The following ADAMTS17 variants were observed in gnomAD, a reference collection of about 807,000 sequenced individuals.
The protein encoded by ADAMTS17 is ADAM metallopeptidase with thrombospondin type 1 motif 17, also known as A disintegrin and metalloproteinase with thrombospondin motifs 17.
In ADAMTS17, 113 loss-of-function variants were observed where a neutral mutation model predicts 141.5. That is an observed-to-expected ratio of 0.80 (90% confidence interval 0.69 to 0.93). The LOEUF is 0.93. Among genes scored for constraint, ADAMTS17 ranks in the 40% least tolerant of loss-of-function variants. ADAMTS17 has a pLI of 0.00. For missense variants in ADAMTS17, 1,659 were observed against 1,517.9 expected, an observed-to-expected ratio of 1.09 and a Z score of -1.54; for synonymous variants, 768 against 630.6, an observed-to-expected ratio of 1.22 and a Z score of -3.27.
chr15:100,044,765 C>T (rs909179547), intron 18 of ADAMTS17, among the ~76,000 whole-genome samples: 17 of 151,900 alleles, frequency 1.1e-4, no homozygotes, highest in African/African-American at 4.1e-4. Flanking sequence ...AACAGCAGCA[C>T]TGCTCAACAG....
At chr15:100,166,422 T>C (rs769721150) in intron 8 of ADAMTS17, among the ~76,000 whole-genome samples, 33 of 152,224 alleles carry the variant, frequency 2.2e-4, no homozygotes, top group Non-Finnish European at 1.2e-4. Context: ...TAAAATAATA[T>C]TAAATATCAG....
At chr15:100,021,914 C>G (rs1160733471) in intron 18 of ADAMTS17, among the ~76,000 whole-genome samples, 1 of 152,168 alleles carries the variant, frequency 6.6e-6, no homozygotes, top group African/African-American at 2.4e-5. Flanking sequence ...TGCTCCTCCA[C>G]AGGTCCTAGA....
chr15:100,133,408 A>C (rs1163815520), intron 10 of ADAMTS17, 93 bp from the exon 11 acceptor site: 1 of 1,316,090 alleles, frequency 7.6e-7, no homozygotes, highest in African/African-American at 1.5e-5. Flanking sequence ...CACTGTTTCA[A>C]ATTTGGGATT....
intron 14 of ADAMTS17, 41 bp from the exon 15 acceptor site, chr15:100,096,517 C>T: frequency 2.5e-6 from 4 of 1,613,670 alleles, no homozygotes; most frequent in Non-Finnish European, 3.4e-6. Context: ...GGTTAAGACT[C>T]AGAGGAGTTT....
intron 18 of ADAMTS17, among the ~76,000 whole-genome samples, chr15:100,006,847 A>G (rs956329486): frequency 6.6e-6 from 1 of 152,250 alleles, no homozygotes; most frequent in Non-Finnish European, 1.5e-5. Flanking sequence ...CAGGGCATCA[A>G]GAAGTCAATC....
intron 18 of ADAMTS17, among the ~76,000 whole-genome samples, chr15:100,025,461 G>C (rs1451791669): frequency 6.6e-6 from 1 of 150,508 alleles, no homozygotes; most frequent in Non-Finnish European, 1.5e-5. Context: ...GCCCAGGCTG[G>C]AGTGAAGTGG....
intron 18 of ADAMTS17, among the ~76,000 whole-genome samples, chr15:100,038,799 A>G (rs1469076183): frequency 6.6e-6 from 1 of 152,242 alleles, no homozygotes; most frequent in Non-Finnish European, 1.5e-5. Flanking sequence ...ACATGGATGC[A>G]TTTTATTTCA....
chr15:100,235,046 C>T (rs1228545926), intron 7 of ADAMTS17, among the ~76,000 whole-genome samples: 2 of 152,134 alleles, frequency 1.3e-5, no homozygotes, highest in Non-Finnish European at 2.9e-5. Context: ...CAGAATGCCA[C>T]TGGAAGAGGG....
intron 7 of ADAMTS17, among the ~76,000 whole-genome samples, chr15:100,231,956 C>T (rs970928292): frequency 6.6e-6 from 1 of 152,198 alleles, no homozygotes; most frequent in Admixed American, 6.5e-5. Flanking sequence ...TCCTTAGTCT[C>T]CACATCTAAT....
chr15:100,155,064 T>C (rs535958242), intron 9 of ADAMTS17, 116 bp downstream of exon 9: 333 of 1,519,158 alleles, frequency 2.2e-4, no homozygotes, highest in Non-Finnish European at 2.9e-4. Context: ...TGAGGCTAGA[T>C]GCAAATCCCA....
At chr15:100,132,241 A>G (rs2141240201) in intron 11 of ADAMTS17, 89 bp from the exon 12 acceptor site, 1 of 1,524,428 alleles carries the variant, frequency 6.6e-7, no homozygotes, top group Non-Finnish European at 8.9e-7. Context: ...GTGCTGCCAA[A>G]AACCCATTTG....
At position 100,306,238 on chromosome 15, in the gene ADAMTS17, T is replaced by C. The variant is rs566050752; in HGVS notation, c.616+24651A>G. 1.2e-5 allele frequency: 4 copies of C among 334,768 alleles called. No homozygotes were observed. In the East Asian group the frequency reaches 3.0e-4, roughly 25 times the overall value. The allele number at this position is 334,768 out of a possible 1,614,324, so 20.7% of individuals were successfully genotyped here. On this transcript the variant is annotated intron_variant, in intron 3 of 21. Coordinates refer to ENST00000268070, the MANE Select transcript of ADAMTS17 (RefSeq NM_139057.4). The stretch of plus-strand genomic sequence containing the variant: ...CTTTGACATTGAGCGGTGGGGTCTA[T>C]CTCTCTGCCCTTGAACCTGGGTAGG...
intron 18 of ADAMTS17, among the ~76,000 whole-genome samples, chr15:100,038,223 C>T (rs2030929843): frequency 6.6e-6 from 1 of 152,220 alleles, no homozygotes; most frequent in South Asian, 2.1e-4. Context: ...CGCCATTGTT[C>T]TTTATGTCTA....
intron 3 of ADAMTS17, among the ~76,000 whole-genome samples, chr15:100,316,418 C>T (rs942429251): frequency 9.2e-5 from 14 of 152,224 alleles, no homozygotes; most frequent in South Asian, 6.2e-4. Context: ...CCGTGGGTCA[C>T]GTCTGGGGAG....
intron 2 of ADAMTS17, among the ~76,000 whole-genome samples, chr15:100,336,743 G>C (rs997531090): frequency 6.6e-6 from 1 of 152,164 alleles, no homozygotes; most frequent in African/African-American, 2.4e-5. Flanking sequence ...GGGCAATTTT[G>C]TAAATCAATC....
intron 7 of ADAMTS17, among the ~76,000 whole-genome samples, chr15:100,222,139 T>G (rs543648211): frequency 6.6e-6 from 1 of 152,336 alleles, no homozygotes; most frequent in African/African-American, 2.4e-5. Flanking sequence ...GCAACGTGAC[T>G]ATTTCCTTGT....
chr15:100,260,296 A>G (rs1359738894), intron 6 of ADAMTS17, among the ~76,000 whole-genome samples: 1 of 152,138 alleles, frequency 6.6e-6, no homozygotes, highest in Non-Finnish European at 1.5e-5. Context: ...CTTGACTCAA[A>G]ACCAAATGTT....
chr15:100,194,786 G>A (rs1047955987), intron 8 of ADAMTS17, among the ~76,000 whole-genome samples: 9 of 152,174 alleles, frequency 5.9e-5, no homozygotes, highest in South Asian at 2.1e-4. Flanking sequence ...ACCCTGGGGC[G>A]TGTCATCCCA....
intron 17 of ADAMTS17, among the ~76,000 whole-genome samples, chr15:100,049,487 G>A (rs539095824): frequency 6.6e-6 from 1 of 152,310 alleles, no homozygotes; most frequent in East Asian, 1.9e-4. Context: ...CTCTAGACAG[G>A]CATTCCAGAG....
Sources: gnomAD v4.1 joint callset for allele counts (sites outside exome capture counted in the v4.1 genomes callset) on GRCh38, gnomAD v4.1.1 for gene constraint, MANE v1.5 for transcripts, NCBI Gene and HGNC (gene_info 2026-07-23, HGNC 2026-07-21) for gene names.